Variants in ADGRA1 observed in about 807,000 individuals in gnomAD.
ADGRA1 encodes the protein G-protein coupled receptor 123.
A neutral mutation model predicts 21.3 loss-of-function variants in ADGRA1; 12 were observed. The observed-to-expected ratio is 0.56, with a 90% CI of 0.36 to 0.91. The LOEUF (loss-of-function observed/expected upper bound fraction) is 0.91. Ranked by LOEUF, ADGRA1 falls within the 40% of genes least tolerant of loss-of-function variation. ADGRA1 has a pLI of 0.01. For missense variants in ADGRA1, 790 were observed against 805.6 expected (o/e 0.98, Z 0.23); for synonymous variants, 385 against 368.8 (o/e 1.04, Z -0.50).
chr10:133,121,863 G>A (rs921489255), intron 5 of ADGRA1, among the ~76,000 whole-genome samples: 1 of 150,116 alleles, frequency 6.7e-6, no homozygotes, highest in African/African-American at 2.5e-5. Context: ...GTGTGAATGA[G>A]TGCCTGTGTG....
chr10:133,119,782 T>C (rs997657621), intron 5 of ADGRA1, among the ~76,000 whole-genome samples: 4 of 152,256 alleles, frequency 2.6e-5, no homozygotes, highest in Non-Finnish European at 5.9e-5. Context: ...AGCAATATTT[T>C]GAAAAGAATC....
intron 2 of ADGRA1, 60 bp from the exon 3 acceptor site, chr10:133,096,914 C>T (rs551530798): frequency 5.8e-5 from 91 of 1,563,382 alleles, no homozygotes; most frequent in African/African-American, 9.4e-5. Context: ...GCTCAGGCGA[C>T]GGCGCCGCCC....
chr10:133,129,754 C>T lies in ADGRA1; in HGVS notation c.*243C>T, dbSNP rs1852478075. On this transcript the variant is annotated 3_prime_UTR_variant, in exon 7 of 7. Transcript: ENST00000392607. ...CTCAGCGGGGAAACGCTCCGGGCCA[C>T]GCCCACTCCCCTTATCCCAATTCCG... 1.9e-6 allele frequency: 1 copy of T among 519,018 alleles called. No individual in the cohort carries two copies. Among genetic ancestry groups the T allele is most frequent in the South Asian group, 2.5e-5 (1 of 39,402 alleles). The allele number at this position is 519,018 out of a possible 1,614,324, so 32.2% of individuals were successfully genotyped here.
At chr10:133,127,159 G>A in intron 5 of ADGRA1, 74 bp from the exon 6 acceptor site, 2 of 938,414 alleles carry the variant, frequency 2.1e-6, no homozygotes, top group Middle Eastern at 2.4e-4. Flanking sequence ...CCCGCGGAGT[G>A]GGGGAGGGAC....
At chr10:133,127,163 G>A in intron 5 of ADGRA1, 70 bp from the exon 6 acceptor site, 1 of 980,648 alleles carries the variant, frequency 1.0e-6, no homozygotes, top group Non-Finnish European at 1.4e-6. Flanking sequence ...CGGAGTGGGG[G>A]AGGGACAGCG....
At chr10:133,093,709 C>T (rs538189101) in intron 2 of ADGRA1, among the ~76,000 whole-genome samples, 2 of 152,360 alleles carry the variant, frequency 1.3e-5, no homozygotes, top group Middle Eastern at 3.4e-3. Flanking sequence ...TTCTTCACCC[C>T]CCAGGAGCCT....
At position 133,129,735 on chromosome 10, in the gene ADGRA1, G is replaced by A. The variant is rs140351541; in HGVS notation, c.*224G>A. 2.8e-3 allele frequency: 1,064 copies of A among 379,016 alleles called. 13 individuals carry two copies. Among genetic ancestry groups the A allele is most frequent in the African/African-American group, 0.028 (866 of 31,456 alleles). 23.5% of individuals were successfully genotyped at this position (379,016 alleles called of 1,614,324 possible). A position where few individuals can be genotyped will look rare whatever the true frequency, so the allele number is the denominator to read the frequency against. ...CCCCTTCCTTGTGAAAGACCTCAGC[G>A]GGGAAACGCTCCGGGCCACGCCCAC... On this transcript the variant is annotated 3_prime_UTR_variant, in exon 7 of 7. Coordinates refer to ENST00000392607, the MANE Select transcript of ADGRA1 (RefSeq NM_001083909.3).
At chr10:133,099,253 C>T (rs1279833293) in intron 4 of ADGRA1, among the ~76,000 whole-genome samples, 2 of 150,692 alleles carry the variant, frequency 1.3e-5, no homozygotes, top group East Asian at 1.9e-4. Context: ...GGACACAGCC[C>T]GCCCCTCCCA....
At chr10:133,109,549 T>C (rs1851950485) in intron 5 of ADGRA1, among the ~76,000 whole-genome samples, 1 of 152,084 alleles carries the variant, frequency 6.6e-6, no homozygotes, top group Non-Finnish European at 1.5e-5. Flanking sequence ...GTGGGATGGT[T>C]ACCTCCCGTC....
Position 133,088,790 on chromosome 10 carries a change from G to A in ADGRA1, c.-120G>A, listed in dbSNP as rs910907786. On this transcript the variant is annotated 5_prime_UTR_variant, in exon 2 of 7. Coordinates refer to ENST00000392607, the MANE Select transcript of ADGRA1 (RefSeq NM_001083909.3). ...CCGGGAGCGCGACCTCCTGGCCGCC[G>A]TCTGGGACTTTGACCTTCCAGAGGC... is the stretch of plus-strand genomic sequence containing the variant. 2.2e-5 allele frequency: 27 copies of A among 1,232,646 alleles called. 1 individual carries two copies. The highest frequency in any genetic ancestry group is 1.4e-4 in the African/African-American group (9 of 64,554). 76.4% of individuals were successfully genotyped at this position (1,232,646 alleles called of 1,614,324 possible).
rs756375215 is a variant in ADGRA1 at position 133,102,789 on chromosome 10, C to T, written c.348C>T (p.Ala116=). The T allele has an allele frequency of 2.0e-5, 33 of 1,612,840 alleles. No homozygotes were observed. The highest frequency in any genetic ancestry group is 2.7e-5 in the Non-Finnish European group (32 of 1,179,844). ...RNIYKQVTKK[A]PLCLDTDQPP... ...TCTACAAGCAGGTGACCAAGAAGGC[C>T]CCTCTGTGCCTGGACACAGACCAGC... Residue 116 remains alanine (A), a synonymous_variant, in exon 5 of 7, where the codon GCC becomes GCT. Coordinates refer to ENST00000392607, the MANE Select transcript of ADGRA1 (RefSeq NM_001083909.3).
chr10:133,101,674 G>T (rs986108890), intron 4 of ADGRA1, among the ~76,000 whole-genome samples: 1 of 152,132 alleles, frequency 6.6e-6, no homozygotes, highest in Non-Finnish European at 1.5e-5. Context: ...CCTACTCCTC[G>T]ACACGGTGCC....
chr10:133,123,917 G>A (rs1479196907), intron 5 of ADGRA1, among the ~76,000 whole-genome samples: 2 of 152,196 alleles, frequency 1.3e-5, no homozygotes, highest in Non-Finnish European at 2.9e-5. Flanking sequence ...TTAACCCCAT[G>A]TGCAAGGTCC....
chr10:133,100,381 C>A (rs1591170594), intron 4 of ADGRA1, among the ~76,000 whole-genome samples: 1 of 152,270 alleles, frequency 6.6e-6, no homozygotes, highest in East Asian at 1.9e-4. Context: ...ACTTTGCCAC[C>A]AAGTACGCCC....
intron 5 of ADGRA1, among the ~76,000 whole-genome samples, chr10:133,114,597 G>T (rs745707474): frequency 1.3e-5 from 2 of 152,198 alleles, no homozygotes; most frequent in Non-Finnish European, 2.9e-5. Context: ...ATGCCGAGGA[G>T]CCCAGGATGC....
At position 133,111,255 on chromosome 10, in the gene ADGRA1, C is replaced by T. The variant is rs1176600316; in HGVS notation, c.401+8413C>T. On this transcript the variant is annotated intron_variant, in intron 5 of 6. Coordinates refer to ENST00000392607, the MANE Select transcript of ADGRA1 (RefSeq NM_001083909.3). ...TCCTAATCCCACCAGACAACCTGCC[C>T]ACCACAGGCACCTCCCTCCTAATCC... Among the ~76,000 whole-genome samples, 11 of 102,050 alleles carry T rather than the reference C, an allele frequency of 1.1e-4. 1 individual carries two copies. Among genetic ancestry groups the T allele is most frequent in the Non-Finnish European group, 1.8e-4 (10 of 55,216 alleles). The allele number at this position is 102,050 out of a possible 152,430, so 66.9% of individuals were successfully genotyped here.
chr10:133,102,233 C>T (rs1436141569), intron 4 of ADGRA1: 5 of 463,286 alleles, frequency 1.1e-5, no homozygotes, highest in Non-Finnish European at 2.2e-5. Context: ...TGCAGGGCCA[C>T]ACGAATGCCG....
chr10:133,090,577 C>T (rs1311070055), intron 2 of ADGRA1, among the ~76,000 whole-genome samples: 2 of 152,184 alleles, frequency 1.3e-5, no homozygotes, highest in Non-Finnish European at 2.9e-5. Context: ...CAGCGTAATT[C>T]ACAGCACGTG....
At chr10:133,126,446 G>C (rs966400885) in intron 5 of ADGRA1, among the ~76,000 whole-genome samples, 3 of 152,266 alleles carry the variant, frequency 2.0e-5, no homozygotes, top group African/African-American at 7.2e-5. Flanking sequence ...CCAGGTGTTC[G>C]CAGGAGCCGG....
Sources: allele counts gnomAD v4.1 joint callset (sites outside exome capture counted in the v4.1 genomes callset), GRCh38; gene constraint gnomAD v4.1.1; transcripts MANE v1.5; gene names NCBI Gene and HGNC (gene_info 2026-07-23, HGNC 2026-07-21).